The following AQR variants were observed in gnomAD, a reference collection of about 807,000 sequenced individuals.
The protein encoded by AQR is aquarius intron-binding spliceosomal factor.
Under a neutral mutation model 180.5 loss-of-function variants are expected in AQR, and 61 were observed. The ratio of observed to expected loss-of-function variants is 0.34; its 90% CI spans 0.28 to 0.42. AQR has a LOEUF of 0.42. Among genes scored for constraint, AQR ranks in the 10% least tolerant of loss-of-function variants. AQR has a pLI of 1.00. For missense variants in AQR, 1,281 were observed against 1,798.3 expected, an observed-to-expected ratio of 0.71 and a Z score of 5.20; for synonymous variants, 551 against 588.8, an observed-to-expected ratio of 0.94 and a Z score of 0.93.
chr15:34,882,674 G>A (rs1335832552), intron 26 of AQR, 35 bp from the exon 27 acceptor site: 3 of 1,582,526 alleles, frequency 1.9e-6, no homozygotes, highest in Non-Finnish European at 2.6e-6. Flanking sequence ...GATAATTTTA[G>A]GAAAACGGAG....
At chr15:34,905,439 C>T (rs969524066) in intron 18 of AQR, among the ~76,000 whole-genome samples, 2 of 151,976 alleles carry the variant, frequency 1.3e-5, no homozygotes, top group Non-Finnish European at 2.9e-5. Flanking sequence ...AAATAACTGA[C>T]TAATTTTGTA....
chr15:34,890,762 T>C (rs1893132389), intron 23 of AQR, among the ~76,000 whole-genome samples: 1 of 152,226 alleles, frequency 6.6e-6, no homozygotes, highest in African/African-American at 2.4e-5. Flanking sequence ...GGTGGAAACA[T>C]AAATTGCATC....
chr15:34,885,479 G>C (rs1893045566), intron 25 of AQR, among the ~76,000 whole-genome samples: 1 of 152,148 alleles, frequency 6.6e-6, no homozygotes, highest in Non-Finnish European at 1.5e-5. Context: ...ATAGGAACAA[G>C]GGCTAGGGAA....
intron 13 of AQR, among the ~76,000 whole-genome samples, chr15:34,924,289 A>G (rs954938447): frequency 6.6e-6 from 1 of 152,260 alleles, no homozygotes; most frequent in African/African-American, 2.4e-5. Context: ...ATCCAGAAGG[A>G]GATCTGCAAA....
intron 27 of AQR, among the ~76,000 whole-genome samples, chr15:34,879,769 T>TAGAC (rs1566981067): frequency 6.6e-6 from 1 of 152,080 alleles, no homozygotes; most frequent in East Asian, 1.9e-4. Context: ...TCACCCCCAA[T>TAGAC]AGACAACAGG....
At chr15:34,932,198 G>T in intron 11 of AQR, 120 bp downstream of exon 11, 1 of 758,796 alleles carries the variant, frequency 1.3e-6, no homozygotes, top group Non-Finnish European at 2.1e-6. Flanking sequence ...TATATATTAA[G>T]ACATGACTTT....
At chr15:34,885,851 A>T (rs2140468979) in intron 25 of AQR, among the ~76,000 whole-genome samples, 1 of 152,310 alleles carries the variant, frequency 6.6e-6, no homozygotes. Flanking sequence ...TTATATCTAA[A>T]ATATACAATT....
intron 27 of AQR, among the ~76,000 whole-genome samples, chr15:34,878,467 A>C (rs1036356939): frequency 2.6e-5 from 4 of 151,674 alleles, no homozygotes; most frequent in African/African-American, 9.7e-5. Flanking sequence ...CATTGTAAAC[A>C]TAGAATTTTG....
chr15:34,923,137 T>G (rs78705176), intron 13 of AQR, among the ~76,000 whole-genome samples: 2,579 of 152,298 alleles, frequency 0.017, 75 homozygotes, highest in African/African-American at 0.057. Flanking sequence ...TATATTGTTA[T>G]AACTGTTCTC....
chr15:34,908,212 G>A (rs1273048464), intron 17 of AQR, among the ~76,000 whole-genome samples: 3 of 152,140 alleles, frequency 2.0e-5, no homozygotes, highest in Non-Finnish European at 4.4e-5. Flanking sequence ...AGCACTTTAG[G>A]AAGCTGAGGC....
intron 2 of AQR, among the ~76,000 whole-genome samples, chr15:34,961,633 AAG>A (rs1595812843): frequency 6.8e-6 from 1 of 147,344 alleles, no homozygotes. Context: ...AAAAAAAAAA[AAG>A]AATTCTGACT....
chr15:34,879,803 G>A (rs887088146), intron 27 of AQR, among the ~76,000 whole-genome samples: 1 of 152,084 alleles, frequency 6.6e-6, no homozygotes, highest in Non-Finnish European at 1.5e-5. Context: ...GAGGATCTTG[G>A]AACTTGGAGA....
In AQR at chr15:34,856,048, G is replaced by GTCC. The variant is rs1431821533; in HGVS notation, c.*741_*743dup. 1 of 152,456 alleles carries GTCC rather than the reference G, an allele frequency of 6.6e-6. No individual in the cohort carries two copies. Among genetic ancestry groups the GTCC allele is most frequent in the African/African-American group, 2.4e-5 (1 of 41,470 alleles). The allele number at this position is 152,456 out of a possible 1,614,324, so 9.4% of individuals were successfully genotyped here. A position where few individuals can be genotyped will look rare whatever the true frequency, so the allele number is the denominator to read the frequency against. On this transcript the variant is annotated 3_prime_UTR_variant, in exon 35 of 35. Transcript: ENST00000156471. ...TTCTTGCCCAGATTGATTTGGCAGA[G>GTCC]TCCTCCTATTTAGCTGATGACAAAT...
At chr15:34,870,071 GC>G (rs917009646) in intron 31 of AQR, 7 of 152,118 alleles carry the variant, frequency 4.6e-5, no homozygotes, top group Non-Finnish European at 1.0e-4. Context: ...TTTTCTGAAG[GC>G]TGGACGGTTT....
rs1415234877 is a variant in AQR, at chr15:34,947,509, A to C, written c.330+755T>G. ...GAGAAACACCCAAGAATGATCAATA[A>C]AAAAAATAATAATAATAATAATAAT... On this transcript the variant is annotated intron_variant, in intron 5 of 34. Coordinates refer to ENST00000156471, the MANE Select transcript of AQR (RefSeq NM_014691.3). Among the ~76,000 whole-genome samples the C allele has an allele frequency of 8.7e-3, 1,244 of 143,034 alleles. 15 individuals carry two copies. Among genetic ancestry groups the C allele is most frequent in the African/African-American group, 0.029 (1,119 of 38,178 alleles). The allele number at this position is 143,034 out of a possible 152,430, so 93.8% of individuals were successfully genotyped here.
In AQR at chr15:34,860,025, G is replaced by A. The variant is rs764953587; in HGVS notation, c.4143+17C>T. 7.1e-6 allele frequency: 9 copies of A among 1,261,856 alleles called. No homozygotes were observed. Among genetic ancestry groups the A allele is most frequent in the African/African-American group, 3.1e-5 (2 of 64,982 alleles). The allele number at this position is 1,261,856 out of a possible 1,614,324, so 78.2% of individuals were successfully genotyped here. A position where few individuals can be genotyped will look rare whatever the true frequency, so the allele number is the denominator to read the frequency against. On this transcript the variant is annotated intron_variant, in intron 34 of 34. Transcript: ENST00000156471. Reference sequence around the variant, plus strand: ...TTCTACAGCAAGAAAAATAAAAGTCGATTTTGAGAAACTCACCTGATGATA... The same window carrying A: ...TTCTACAGCAAGAAAAATAAAAGTCAATTTTGAGAAACTCACCTGATGATA...
rs144925773 is a variant in AQR at position 34,877,317 on chromosome 15, TTC to T, written c.3166-1313_3166-1312del. Among the ~76,000 whole-genome samples, 79 of 152,326 alleles carry T rather than the reference TTC, an allele frequency of 5.2e-4. 1 individual carries two copies. The East Asian group carries it at 0.015, about 29-fold the overall frequency. ...AAGTACACATTAGAGTTCTGTTGCT[TTC>T]TGTTTTTAAAGATTTCTCCCATTAT... On this transcript the variant is annotated intron_variant, in intron 27 of 34. Coordinates refer to ENST00000156471, the MANE Select transcript of AQR (RefSeq NM_014691.3).
chr15:34,969,230 T>C (rs760684214), intron 1 of AQR, among the ~76,000 whole-genome samples: 2 of 152,136 alleles, frequency 1.3e-5, no homozygotes, highest in Non-Finnish European at 2.9e-5. Flanking sequence ...TGTTCCCTCC[T>C]CTCTGAATCC....
chr15:34,945,770 A>G (rs1220804427), intron 5 of AQR, among the ~76,000 whole-genome samples: 2 of 152,174 alleles, frequency 1.3e-5, no homozygotes. Context: ...ATTTACTCAA[A>G]ACAGATGACA....
Sources: allele counts gnomAD v4.1 joint callset (sites outside exome capture counted in the v4.1 genomes callset), GRCh38; gene constraint gnomAD v4.1.1; transcripts MANE v1.5; gene names NCBI Gene and HGNC (gene_info 2026-07-23, HGNC 2026-07-21).